Variants in COL5A1 observed in about 807,000 individuals in gnomAD.
The protein encoded by COL5A1 is collagen type V alpha 1 chain, also known as collagen alpha-1(V) chain.
A neutral mutation model predicts 263.7 loss-of-function variants in COL5A1; 16 were observed. That is an observed-to-expected ratio of 0.06 (90% CI 0.04 to 0.09). The LOEUF is 0.09. COL5A1 is among the 10% of genes least tolerant of loss of function. The probability of loss-of-function intolerance (pLI) is 1.00; values close to 1 mark genes in which losing one functional copy is unlikely to be tolerated. For missense variants in COL5A1, 2,036 were observed against 2,540.5 expected (o/e 0.80, Z 4.27); for synonymous variants, 1,012 against 1,004.5 (o/e 1.01, Z -0.14).
chr9:134,817,756 G>C, intron 53 of COL5A1, 22 bp from the exon 54 acceptor site: 1 of 1,609,864 alleles, frequency 6.2e-7, no homozygotes, highest in Non-Finnish European at 8.5e-7. Flanking sequence ...CTCACCACCT[G>C]CTGTTCTCTT....
chr9:134,744,720 TACAC>T (rs202090775), intron 11 of COL5A1, among the ~76,000 whole-genome samples: 21 of 147,164 alleles, frequency 1.4e-4, no homozygotes, highest in Admixed American at 4.7e-4. Flanking sequence ...CTCACACAGT[TACAC>T]ACACATGCAC....
chr9:134,717,712 G>A (rs1834319214), intron 4 of COL5A1, among the ~76,000 whole-genome samples: 1 of 152,216 alleles, frequency 6.6e-6, no homozygotes, highest in African/African-American at 2.4e-5. Context: ...CCACAGCCTC[G>A]AACAAGAAGG....
chr9:134,653,025 G>A (rs536418278), intron 1 of COL5A1, among the ~76,000 whole-genome samples: 3 of 152,166 alleles, frequency 2.0e-5, no homozygotes, highest in Non-Finnish European at 2.9e-5. Flanking sequence ...AATGGTGGTC[G>A]TGGGGTGGGG....
At chr9:134,683,098 C>T (rs544142607) in intron 1 of COL5A1, among the ~76,000 whole-genome samples, 2 of 152,122 alleles carry the variant, frequency 1.3e-5, no homozygotes, top group South Asian at 2.1e-4. Flanking sequence ...CTGTGAGGGC[C>T]GCCATGAGAC....
In COL5A1 at chr9:134,727,327, A is replaced by C; in HGVS notation, c.716A>C (p.His239Pro). 6.2e-7 allele frequency: 1 copy of C among 1,613,978 alleles called. No individual in the cohort carries two copies. Residue 239 changes from histidine (H) to proline (P), a missense_variant, in exon 5 of 66, where the codon CAC (histidine) becomes CCC (proline). His to Pro is a moderately conservative substitution (Grantham distance 77). This residue lies in a region of COL5A1 where 600 missense variants were observed against 634.5 expected (regional missense o/e 0.95). Coordinates refer to ENST00000371817, the MANE Select transcript of COL5A1 (RefSeq NM_000093.5). The stretch of plus-strand genomic sequence containing the variant: ...CGGGCAGCTTATGATTACTGTGAGC[A>C]CTACAGCCCTGACTGTGACACCGCA... ...DHRAAYDYCE[H>P]YSPDCDTAVP...
At chr9:134,774,300 G>A (rs2132746233) in intron 26 of COL5A1, among the ~76,000 whole-genome samples, 1 of 152,326 alleles carries the variant, frequency 6.6e-6, no homozygotes, top group Admixed American at 6.5e-5. Context: ...GACACCATGT[G>A]GAAAGGGGGC....
rs1391711447 is a variant in COL5A1 at position 134,828,518 on chromosome 9, T to TACACATACCACACACCACAC, written c.5068-1454_5068-1453insATACCACACACCACACACAC. On this transcript the variant is annotated intron_variant, in intron 63 of 65. Transcript: ENST00000371817. ...CCACACACCACACATACCACACAGA[T>TACACATACCACACACCACAC]ACACGATACACATACCACACACCAC... 1.0e-2 allele frequency among the ~76,000 whole-genome samples: 1,470 copies of TACACATACCACACACCACAC among 147,162 alleles called. 25 individuals are homozygous for TACACATACCACACACCACAC. Among genetic ancestry groups the TACACATACCACACACCACAC allele is most frequent in the African/African-American group, 0.035 (1,373 of 39,194 alleles).
At chr9:134,720,299 G>C (rs1054906244) in intron 4 of COL5A1, among the ~76,000 whole-genome samples, 3 of 152,158 alleles carry the variant, frequency 2.0e-5, no homozygotes, top group Admixed American at 2.0e-4. Context: ...CCAAGCCCAA[G>C]CAGGGGCTGC....
intron 1 of COL5A1, among the ~76,000 whole-genome samples, chr9:134,665,294 A>G (rs1419453741): frequency 6.6e-6 from 1 of 152,266 alleles, no homozygotes; most frequent in Non-Finnish European, 1.5e-5. Flanking sequence ...TGTGTGGAGA[A>G]CCGCTGTGCA....
chr9:134,796,113 C>G (rs1179047772), intron 34 of COL5A1, among the ~76,000 whole-genome samples: 2 of 152,202 alleles, frequency 1.3e-5, no homozygotes, highest in African/African-American at 4.8e-5. Context: ...AGCCTTTGTC[C>G]CACTCAGGAG....
intron 11 of COL5A1, among the ~76,000 whole-genome samples, chr9:134,745,389 C>T (rs1048907290): frequency 2.0e-5 from 3 of 151,824 alleles, no homozygotes; most frequent in Non-Finnish European, 4.4e-5. Flanking sequence ...CAGGGTCTGC[C>T]AGGGTGTTCA....
intron 4 of COL5A1, among the ~76,000 whole-genome samples, chr9:134,708,265 G>T (rs1178475433): frequency 6.6e-6 from 1 of 152,146 alleles, no homozygotes; most frequent in Non-Finnish European, 1.5e-5. Flanking sequence ...TGTCGTCTCT[G>T]TGCCTCCATC....
intron 52 of COL5A1, among the ~76,000 whole-genome samples, chr9:134,816,709 A>G (rs567236462): frequency 1.0e-3 from 154 of 152,306 alleles, no homozygotes; most frequent in African/African-American, 3.3e-3. Context: ...CTTCTGTGAA[A>G]GGGGATGCCA....
chr9:134,799,509 C>T (rs1564466782), intron 37 of COL5A1, among the ~76,000 whole-genome samples: 1 of 152,222 alleles, frequency 6.6e-6, no homozygotes, highest in Non-Finnish European at 1.5e-5. Context: ...GCCAGGATCA[C>T]TGCAAGGGTC....
At chr9:134,658,733 CT>C (rs1436871731) in intron 1 of COL5A1, among the ~76,000 whole-genome samples, 1 of 152,152 alleles carries the variant, frequency 6.6e-6, no homozygotes, top group Non-Finnish European at 1.5e-5. Flanking sequence ...GGCAGGCACC[CT>C]GTGGTTGTGC....
intron 31 of COL5A1, among the ~76,000 whole-genome samples, chr9:134,787,012 T>G (rs994853372): frequency 1.3e-5 from 2 of 152,192 alleles, no homozygotes; most frequent in Non-Finnish European, 1.5e-5. Context: ...GCACACCCCA[T>G]ATGCAGGAGA....
chr9:134,667,052 G>A (rs917951427), intron 1 of COL5A1, among the ~76,000 whole-genome samples: 1 of 152,082 alleles, frequency 6.6e-6, no homozygotes, highest in African/African-American at 2.4e-5. Context: ...TTCAGTCATC[G>A]GGCATAATGA....
At position 134,652,214 on chromosome 9, in the gene COL5A1, G is replaced by A. The variant is rs927789390; in HGVS notation, c.109+9918G>A. 6.6e-6 allele frequency among the ~76,000 whole-genome samples: 1 copy of A among 152,174 alleles called. No homozygotes were observed. Among genetic ancestry groups the A allele is most frequent in the Admixed American group, 6.5e-5 (1 of 15,280 alleles). On this transcript the variant is annotated intron_variant, in intron 1 of 65. Transcript: ENST00000371817. The surrounding 1 kb of genome is among the most constrained non-coding windows in gnomAD (Gnocchi z 4.4). ...AGGGTCATAGGTCTCAGTAATGGTCGACTAGGTCAAAAAGTACTGCTTGAG... is the reference window on the plus strand; with the variant it reads ...AGGGTCATAGGTCTCAGTAATGGTCAACTAGGTCAAAAAGTACTGCTTGAG...
intron 1 of COL5A1, among the ~76,000 whole-genome samples, chr9:134,671,410 T>A (rs1421105667): frequency 1.3e-5 from 2 of 152,128 alleles, no homozygotes; most frequent in Non-Finnish European, 2.9e-5. Context: ...TGGTTTTGAG[T>A]CCATTTCTAG....
Sources: gnomAD v4.1 joint callset for allele counts (sites outside exome capture counted in the v4.1 genomes callset) on GRCh38, gnomAD v4.1.1 for gene constraint, gnomAD v4.1.1 regional missense constraint, Gnocchi (gnomAD v3.1) non-coding constraint, MANE v1.5 for transcripts, NCBI Gene and HGNC (gene_info 2026-07-23, HGNC 2026-07-21) for gene names.